RSU1: variants seen among roughly 807,000 people sequenced by gnomAD.
RSU1 encodes the protein rsu-1.
RSU1 carries 26 observed loss-of-function variants against 31.1 expected under a neutral mutation model. That is an observed-to-expected ratio of 0.84 (90% CI 0.61 to 1.16). The LOEUF (loss-of-function observed/expected upper bound fraction) is 1.16. Ranked by LOEUF, RSU1 falls within the 50% of genes most tolerant of loss-of-function variation. RSU1 has a pLI of 0.00. For synonymous variants in RSU1, 164 were observed against 136.3 expected (o/e 1.20, Z -1.41); for missense variants, 320 against 339.1 (o/e 0.94, Z 0.44).
rs543781709 is a variant in RSU1, at chr10:16,604,003, T to G, written c.732-10507A>C. On this transcript the variant is annotated intron_variant, in intron 8 of 8. Transcript: ENST00000345264. The stretch of plus-strand genomic sequence containing the variant: ...CAGAACCTAAATAGTAATCATCTAA[T>G]GGACCTCTTAAAATGTCCTCTAGCT... Among the ~76,000 whole-genome samples the G allele has an allele frequency of 3.3e-5, 5 of 152,332 alleles. No homozygotes were observed. In the South Asian group the frequency reaches 6.2e-4, roughly 19 times the overall value.
intron 2 of RSU1, among the ~76,000 whole-genome samples, chr10:16,808,635 A>G (rs1480981490): frequency 6.6e-6 from 1 of 152,158 alleles, no homozygotes; most frequent in Non-Finnish European, 1.5e-5. Flanking sequence ...TATGAGTGTG[A>G]GAAGCACTTA....
chr10:16,615,145 G>A lies in RSU1; in HGVS notation c.732-21649C>T, dbSNP rs370041045. 3.3e-4 allele frequency among the ~76,000 whole-genome samples: 50 copies of A among 151,956 alleles called. 1 individual carries two copies. The South Asian group carries it at 5.8e-3, about 18-fold the overall frequency. ...GCTGTATTCAGGAGACCCATCTCAC[G>A]TGCAAAGACAAACAAAGGCTCAAAA... On this transcript the variant is annotated intron_variant, in intron 8 of 8. Coordinates refer to ENST00000345264, the MANE Select transcript of RSU1 (RefSeq NM_012425.4).
At chr10:16,632,207 G>C (rs1474845926) in intron 8 of RSU1, among the ~76,000 whole-genome samples, 1 of 151,966 alleles carries the variant, frequency 6.6e-6, no homozygotes, top group Non-Finnish European at 1.5e-5. Flanking sequence ...GGTCTTCCCT[G>C]GTACATACAT....
At chr10:16,797,301 C>G (rs1588542142) in intron 2 of RSU1, among the ~76,000 whole-genome samples, 1 of 152,070 alleles carries the variant, frequency 6.6e-6, no homozygotes. Context: ...AAAAAGAGAC[C>G]AAGGATAGAG....
rs755171313 is a variant in RSU1 at position 16,817,414 on chromosome 10, G to T, written c.-103C>A. ...CCCTGCAACACCGGCACTGAACAGCGAACACGCCCTGTCTCGGCGCCCCGC... is the reference window on the plus strand; with the variant it reads ...CCCTGCAACACCGGCACTGAACAGCTAACACGCCCTGTCTCGGCGCCCCGC... On this transcript the variant is annotated 5_prime_UTR_variant, in exon 1 of 9. Transcript: ENST00000345264. The T allele has an allele frequency of 3.8e-6, 1 of 263,610 alleles. No homozygotes were observed. The highest frequency in any genetic ancestry group is 7.4e-6 in the Non-Finnish European group (1 of 134,884). 16.3% of individuals were successfully genotyped at this position (263,610 alleles called of 1,614,324 possible).
intron 7 of RSU1, among the ~76,000 whole-genome samples, chr10:16,704,037 T>C (rs1835846586): frequency 6.6e-6 from 1 of 152,212 alleles, no homozygotes; most frequent in South Asian, 2.1e-4. Flanking sequence ...TGATGGTGTT[T>C]CTGGTCGAAG....
At chr10:16,613,579 T>G (rs1833928252) in intron 8 of RSU1, among the ~76,000 whole-genome samples, 1 of 152,214 alleles carries the variant, frequency 6.6e-6, no homozygotes, top group Non-Finnish European at 1.5e-5. Flanking sequence ...AAAATGACAC[T>G]GGCAGACATC....
At chr10:16,677,101 C>A (rs1198774230) in intron 8 of RSU1, among the ~76,000 whole-genome samples, 1 of 152,208 alleles carries the variant, frequency 6.6e-6, no homozygotes, top group African/African-American at 2.4e-5. Flanking sequence ...ACTTCATACA[C>A]TGGCTTCCCT....
intron 3 of RSU1, among the ~76,000 whole-genome samples, chr10:16,770,192 A>G (rs1463941171): frequency 6.6e-6 from 1 of 150,952 alleles, no homozygotes; most frequent in African/African-American, 2.4e-5. Flanking sequence ...CCCTTGAGGC[A>G]AAAAAAAATC....
intron 8 of RSU1, among the ~76,000 whole-genome samples, chr10:16,648,776 TTAAA>T (rs10533045): frequency 0.34 from 50,185 of 148,484 alleles, 8,643 homozygotes; most frequent in East Asian, 0.51. Context: ...CCAAGATACT[TTAAA>T]TAAATAAATA....
intron 3 of RSU1, among the ~76,000 whole-genome samples, chr10:16,770,096 C>G (rs1441517572): frequency 1.3e-5 from 2 of 152,056 alleles, no homozygotes; most frequent in African/African-American, 2.4e-5. Flanking sequence ...ACCCTAATGG[C>G]AGGATGCTGG....
chr10:16,676,952 G>C (rs561086391), intron 8 of RSU1, among the ~76,000 whole-genome samples: 1 of 152,284 alleles, frequency 6.6e-6, no homozygotes, highest in East Asian at 1.9e-4. Context: ...GAGGGACTAA[G>C]GAGCTGGCAG....
chr10:16,600,769 C>T (rs1833704178), intron 8 of RSU1, among the ~76,000 whole-genome samples: 1 of 152,084 alleles, frequency 6.6e-6, no homozygotes, highest in African/African-American at 2.4e-5. Flanking sequence ...CACTATGTTG[C>T]TAGGCTGGTT....
Position 16,751,903 on chromosome 10 carries a change from T to G in RSU1, c.598+636A>C, listed in dbSNP as rs190434174. On this transcript the variant is annotated intron_variant, in intron 7 of 8. Transcript: ENST00000345264. Reference sequence around the variant, plus strand: ...GTAACAGAATTACTGGCTTGGAGGTTATTTCTGGCGGGGGACATAAACCCA... The same window carrying G: ...GTAACAGAATTACTGGCTTGGAGGTGATTTCTGGCGGGGGACATAAACCCA... Among the ~76,000 whole-genome samples the G allele has an allele frequency of 3.2e-4, 48 of 152,276 alleles. No individual in the cohort carries two copies. In the East Asian group the frequency reaches 8.9e-3, roughly 28 times the overall value.
intron 8 of RSU1, among the ~76,000 whole-genome samples, chr10:16,621,878 T>C (rs1834077384): frequency 1.3e-5 from 2 of 152,192 alleles, no homozygotes; most frequent in South Asian, 2.1e-4. Context: ...TGACTATGTA[T>C]GTAATTTTAT....
At chr10:16,729,088 A>C (rs2031359314) in intron 7 of RSU1, among the ~76,000 whole-genome samples, 1 of 152,212 alleles carries the variant, frequency 6.6e-6, no homozygotes, top group Admixed American at 6.5e-5. Context: ...CTCCATTAGC[A>C]CTTTCAGCTA....
intron 8 of RSU1, among the ~76,000 whole-genome samples, chr10:16,662,974 T>TAAA (rs56281639): frequency 2.2e-5 from 3 of 138,886 alleles, no homozygotes; most frequent in African/African-American, 5.3e-5. Flanking sequence ...CAGCAATCTT[T>TAAA]AAAAAAAAAA....
intron 8 of RSU1, among the ~76,000 whole-genome samples, chr10:16,595,757 A>G (rs1423268176): frequency 6.6e-6 from 1 of 152,106 alleles, no homozygotes; most frequent in Non-Finnish European, 1.5e-5. Flanking sequence ...TCACGAGGTC[A>G]AGAGATGGAG....
At chr10:16,691,593 T>C (rs1224781600) in intron 8 of RSU1, among the ~76,000 whole-genome samples, 1 of 152,184 alleles carries the variant, frequency 6.6e-6, no homozygotes, top group South Asian at 2.1e-4. Context: ...TGCCCTAGCA[T>C]AGCTCATGTA....
Sources: gnomAD v4.1 joint callset for allele counts (sites outside exome capture counted in the v4.1 genomes callset) on GRCh38, gnomAD v4.1.1 for gene constraint, MANE v1.5 for transcripts, NCBI Gene and HGNC (gene_info 2026-07-23, HGNC 2026-07-21) for gene names.